The following GNL3L variants were observed in gnomAD, a reference collection of about 807,000 sequenced individuals.
GNL3L encodes guanine nucleotide-binding protein-like 3-like protein.
In GNL3L, 4 loss-of-function variants were observed where a neutral mutation model predicts 42.9. The observed-to-expected ratio is 0.09, with a 90% CI of 0.05 to 0.21. GNL3L has a LOEUF of 0.21. Ranked by LOEUF, GNL3L falls within the 10% of genes least tolerant of loss-of-function variation. GNL3L has a pLI of 1.00. For missense variants in GNL3L, 412 were observed against 481.7 expected (o/e 0.86, Z 1.36); for synonymous variants, 159 against 176.3 (o/e 0.90, Z 0.78).
At chrX:54,577,326 A>G (rs749374865) in intron 16 of GNL3L, among the ~76,000 whole-genome samples, 5 of 112,014 alleles carry the variant, frequency 4.5e-5, no homozygotes, top group Non-Finnish European at 7.5e-5. Flanking sequence ...TAAAACTTGC[A>G]TATATTCAAG....
chrX:54,591,658 G>A (rs1268844161), intron 16 of GNL3L, among the ~76,000 whole-genome samples: 1 of 106,650 alleles, frequency 9.4e-6, no homozygotes, highest in Non-Finnish European at 1.9e-5. Flanking sequence ...TCTCTACTCT[G>A]TTCCTTTGGT....
intron 2 of GNL3L, among the ~76,000 whole-genome samples, chrX:54,537,923 C>T (rs1052446481): frequency 1.8e-5 from 2 of 111,410 alleles, no homozygotes; most frequent in African/African-American, 6.5e-5. Flanking sequence ...AATTTTTATT[C>T]AGTGTCAAGT....
chrX:54,631,200 T>C, the GNL3L span, among the ~76,000 whole-genome samples: 2 of 111,778 alleles, frequency 1.8e-5, no homozygotes, highest in Non-Finnish European at 3.8e-5. Flanking sequence ...GAATAGAATG[T>C]GTATTCTAAA....
downstream of GNL3L, among the ~76,000 whole-genome samples, chrX:54,567,473 C>G (rs1925466118): frequency 9.1e-6 from 1 of 109,342 alleles, no homozygotes; most frequent in Non-Finnish European, 1.9e-5. Context: ...ATGGAGAAAC[C>G]CCGTCTCTAC....
intron 16 of GNL3L, among the ~76,000 whole-genome samples, chrX:54,573,164 A>T (rs1301242136): frequency 8.9e-6 from 1 of 112,348 alleles, no homozygotes; most frequent in Non-Finnish European, 1.9e-5. Flanking sequence ...CAGAGGCTGC[A>T]ATCTCGGCAC....
chrX:54,609,429 A>G (rs1260864589), intron 16 of GNL3L, among the ~76,000 whole-genome samples: 1 of 112,490 alleles, frequency 8.9e-6, no homozygotes, highest in Non-Finnish European at 1.9e-5. Flanking sequence ...TGCCTAAGCC[A>G]ATGTCTAGAA....
At chrX:54,629,093 TG>T in the GNL3L span, among the ~76,000 whole-genome samples, 1 of 109,042 alleles carries the variant, frequency 9.2e-6, no homozygotes, top group Non-Finnish European at 1.9e-5. Flanking sequence ...GTAGGGCTAC[TG>T]ATTTGTGTAT....
At chrX:54,613,705 A>G (rs1020356971) in intron 16 of GNL3L, among the ~76,000 whole-genome samples, 1 of 110,637 alleles carries the variant, frequency 9.0e-6, no homozygotes, top group African/African-American at 3.3e-5. Context: ...CAGCGAGTCT[A>G]CCTGGCTCCC....
chrX:54,577,687 A>T (rs1925654282), intron 16 of GNL3L, among the ~76,000 whole-genome samples: 1 of 111,052 alleles, frequency 9.0e-6, no homozygotes, highest in Non-Finnish European at 1.9e-5. Flanking sequence ...CTGTGTCTAA[A>T]CTATTTTACT....
At chrX:54,591,710 A>G (rs1338369118) in intron 16 of GNL3L, among the ~76,000 whole-genome samples, 1 of 111,354 alleles carries the variant, frequency 9.0e-6, no homozygotes, top group African/African-American at 3.3e-5. Context: ...TGTTTTGGTT[A>G]CTAAAGCTCT....
chrX:54,532,494 A>G (rs1249872016), intron 1 of GNL3L, 26 bp from the exon 2 acceptor site: 1 of 857,534 alleles, frequency 1.2e-6, no homozygotes, highest in Non-Finnish European at 1.7e-6. Context: ...GCTGTCTTCA[A>G]ATTGCTTCTT....
intron 16 of GNL3L, among the ~76,000 whole-genome samples, chrX:54,598,798 G>A (rs1456820711): frequency 1.8e-5 from 2 of 111,617 alleles, no homozygotes; most frequent in African/African-American, 3.2e-5. Context: ...TTGAAGAGAT[G>A]TCAATAGGTA....
intron 10 of GNL3L, among the ~76,000 whole-genome samples, 185 bp from the exon 11 acceptor site, chrX:54,551,383 T>C (rs1406963742): frequency 9.0e-6 from 1 of 111,635 alleles, no homozygotes; most frequent in Non-Finnish European, 1.9e-5. Flanking sequence ...TGGCAGAGGA[T>C]AGATTAGAAT....
At chrX:54,631,781 A>T in the GNL3L span, among the ~76,000 whole-genome samples, 3 of 111,531 alleles carry the variant, frequency 2.7e-5, no homozygotes, top group Non-Finnish European at 3.8e-5. Context: ...TAGTATTGAG[A>T]TGTGAGGTAC....
Position 54,539,022 on chromosome X carries a change from C to T in GNL3L, c.20-18C>T, listed in dbSNP as rs755293507. ...TAGATGGATGACGGCTCTTTTCTTTCTTTTTTTTCTTTTGTAGAAAATAAA... is the reference window on the plus strand; with the variant it reads ...TAGATGGATGACGGCTCTTTTCTTTTTTTTTTTTCTTTTGTAGAAAATAAA... On this transcript the variant is annotated intron_variant, in intron 2 of 15. Coordinates refer to ENST00000360845, the MANE Select transcript of GNL3L (RefSeq NM_001184819.2). The T allele has an allele frequency of 1.9e-6, 2 of 1,057,115 alleles. No individual in the cohort carries two copies. The highest frequency in any genetic ancestry group is 2.0e-5 in the South Asian group (1 of 49,212). 87.1% of individuals were successfully genotyped at this position (1,057,115 alleles called of 1,213,427 possible).
In GNL3L at chrX:54,560,844, C is replaced by A. The variant is rs1156599930; in HGVS notation, c.*242C>A. 1 of 234,321 alleles carries A rather than the reference C, an allele frequency of 4.3e-6. No homozygotes were observed. The highest frequency in any genetic ancestry group is 7.7e-6 in the Non-Finnish European group (1 of 130,080). 19.3% of individuals were successfully genotyped at this position (234,321 alleles called of 1,213,427 possible). Reference sequence around the variant, plus strand: ...TCACCTGAGGTCAGGAGTTCGAGACCAGCCTGGCCAACATGGTGAAACCCC... The same window carrying A: ...TCACCTGAGGTCAGGAGTTCGAGACAAGCCTGGCCAACATGGTGAAACCCC... On this transcript the variant is annotated 3_prime_UTR_variant, in exon 16 of 16. Transcript: ENST00000360845.
intron 16 of GNL3L, among the ~76,000 whole-genome samples, chrX:54,606,423 T>C (rs939586469): frequency 2.7e-5 from 3 of 111,250 alleles, no homozygotes; most frequent in Non-Finnish European, 5.7e-5. Context: ...AGATAGTGTC[T>C]ACACTTAGGG....
intron 2 of GNL3L, among the ~76,000 whole-genome samples, chrX:54,535,848 C>A (rs1459136190): frequency 9.0e-6 from 1 of 111,409 alleles, no homozygotes. Context: ...CCACAACCTC[C>A]GCCTCCTGGG....
intron 16 of GNL3L, among the ~76,000 whole-genome samples, chrX:54,611,983 T>G (rs763623032): frequency 2.4e-4 from 27 of 112,277 alleles, no homozygotes; most frequent in African/African-American, 8.1e-4. Flanking sequence ...TTTGTTCACT[T>G]TCTGTCTTGA....
Sources: gnomAD v4.1 joint callset for allele counts (sites outside exome capture counted in the v4.1 genomes callset) on GRCh38, gnomAD v4.1.1 for gene constraint, MANE v1.5 for transcripts, NCBI Gene and HGNC (gene_info 2026-07-23, HGNC 2026-07-21) for gene names.